Variants in DLG2 observed in about 807,000 individuals in gnomAD.
The protein encoded by DLG2 is disks large homolog 2.
DLG2 carries 45 observed loss-of-function variants against 132.5 expected under a neutral mutation model. The ratio of observed to expected loss-of-function variants is 0.34; its 90% CI spans 0.27 to 0.44. DLG2 has a LOEUF of 0.44. Among genes scored for constraint, DLG2 ranks in the 20% least tolerant of loss-of-function variants. The pLI is 1.00. For missense variants in DLG2, 1,045 were observed against 1,196.9 expected (o/e 0.87, Z 1.87); for synonymous variants, 424 against 419.6 (o/e 1.01, Z -0.13).
chr11:83,496,465 T>C (rs965079337), intron 21 of DLG2, among the ~76,000 whole-genome samples: 1 of 151,998 alleles, frequency 6.6e-6, no homozygotes, highest in African/African-American at 2.4e-5. Context: ...TCCTAGAAAA[T>C]TACCTAACAG....
intron 6 of DLG2, among the ~76,000 whole-genome samples, chr11:85,061,052 T>C (rs2064074462): frequency 6.6e-6 from 1 of 151,738 alleles, no homozygotes; most frequent in Non-Finnish European, 1.5e-5. Context: ...GAGAAATGTC[T>C]ACTCAAATCC....
At chr11:85,583,625 T>C (rs2078770260) in intron 3 of DLG2, among the ~76,000 whole-genome samples, 1 of 152,222 alleles carries the variant, frequency 6.6e-6, no homozygotes, top group African/African-American at 2.4e-5. Flanking sequence ...AAGAAACTCT[T>C]AGGACTGGCC....
intron 6 of DLG2, among the ~76,000 whole-genome samples, chr11:84,871,176 G>A (rs2085403887): frequency 6.6e-6 from 1 of 152,098 alleles, no homozygotes; most frequent in South Asian, 2.1e-4. Flanking sequence ...CAACACCACT[G>A]GTGCGTATGA....
chr11:83,832,367 C>T (rs61177004), intron 17 of DLG2, among the ~76,000 whole-genome samples: 2,638 of 152,236 alleles, frequency 0.017, 84 homozygotes, highest in African/African-American at 0.061. Context: ...TCTCCAAATT[C>T]GTCATAAGTA....
At position 84,402,881 on chromosome 11, in the gene DLG2, C is replaced by CAAAAAAAAAAAAAAAAAAAAAAAAAAAAA. The variant is rs34476380; in HGVS notation, c.519+131688_519+131689insTTTTTTTTTTTTTTTTTTTTTTTTTTTTT. On this transcript the variant is annotated intron_variant, in intron 7 of 27. Coordinates refer to ENST00000376104, the MANE Select transcript of DLG2 (RefSeq NM_001142699.3). ...TGGGCGACAGAGCGAAACTCCGTCT[C>CAAAAAAAAAAAAAAAAAAAAAAAAAAAAA]AAAAAAAAAAAAAAAAAAAATTAAC... 1.4e-3 allele frequency among the ~76,000 whole-genome samples: 103 copies of CAAAAAAAAAAAAAAAAAAAAAAAAAAAAA among 73,848 alleles called. 1 individual carries two copies. Among genetic ancestry groups the CAAAAAAAAAAAAAAAAAAAAAAAAAAAAA allele is most frequent in the South Asian group, 2.6e-3 (6 of 2,268 alleles). The allele number at this position is 73,848 out of a possible 152,430, so 48.4% of individuals were successfully genotyped here. A position where few individuals can be genotyped will look rare whatever the true frequency, so the allele number is the denominator to read the frequency against.
chr11:84,902,129 TTCTTGAATGGAAA>T (rs1475536435), intron 6 of DLG2, among the ~76,000 whole-genome samples: 4 of 152,088 alleles, frequency 2.6e-5, no homozygotes, highest in Non-Finnish European at 4.4e-5. Context: ...TTTTGTAAAA[TTCTTGAATGGAAA>T]TCTGGACGCA....
At chr11:84,987,858 T>C (rs905023355) in intron 6 of DLG2, among the ~76,000 whole-genome samples, 7 of 152,138 alleles carry the variant, frequency 4.6e-5, no homozygotes, top group African/African-American at 1.7e-4. Flanking sequence ...CATTGGCTTA[T>C]GCAAGGATTT....
chr11:84,544,262 C>A (rs1338842802), intron 6 of DLG2, among the ~76,000 whole-genome samples: 2 of 152,152 alleles, frequency 1.3e-5, no homozygotes, highest in Non-Finnish European at 2.9e-5. Context: ...AGACCTCAAG[C>A]TCTCTAAGTC....
At chr11:83,836,059 T>C (rs2056084945) in intron 16 of DLG2, among the ~76,000 whole-genome samples, 1 of 152,124 alleles carries the variant, frequency 6.6e-6, no homozygotes, top group Non-Finnish European at 1.5e-5. Flanking sequence ...GTGATATATA[T>C]TAAATAGTTG....
intron 7 of DLG2, among the ~76,000 whole-genome samples, chr11:84,456,309 C>T (rs2099065166): frequency 6.6e-6 from 1 of 151,270 alleles, no homozygotes; most frequent in South Asian, 2.1e-4. Context: ...GAAGAATGCC[C>T]TAGTTTTCAC....
chr11:83,729,555 T>C (rs1378562488), intron 18 of DLG2, among the ~76,000 whole-genome samples: 1 of 152,156 alleles, frequency 6.6e-6, no homozygotes, highest in East Asian at 1.9e-4. Flanking sequence ...CCTTCCAAAA[T>C]GGACTATAAA....
chr11:84,185,367 CTGTT>C (rs1286104617), intron 8 of DLG2, among the ~76,000 whole-genome samples: 2 of 152,082 alleles, frequency 1.3e-5, no homozygotes, highest in South Asian at 2.1e-4. Flanking sequence ...ATTTGGCTCT[CTGTT>C]TGTCTGTTAT....
chr11:85,484,095 C>A (rs2093365552), intron 3 of DLG2, among the ~76,000 whole-genome samples: 1 of 152,102 alleles, frequency 6.6e-6, no homozygotes, highest in Non-Finnish European at 1.5e-5. Flanking sequence ...TTGAAAAGAA[C>A]TTTGAAGAGA....
intron 6 of DLG2, among the ~76,000 whole-genome samples, chr11:84,557,506 A>G (rs1378084412): frequency 6.6e-6 from 1 of 152,116 alleles, no homozygotes; most frequent in Admixed American, 6.6e-5. Flanking sequence ...TGCTTAGTTT[A>G]TATCTATTTT....
intron 18 of DLG2, among the ~76,000 whole-genome samples, chr11:83,670,488 G>T (rs915881041): frequency 9.9e-5 from 15 of 151,826 alleles, no homozygotes; most frequent in Admixed American, 9.2e-4. Flanking sequence ...TTAATATCAG[G>T]AATTTTATCT....
intron 6 of DLG2, among the ~76,000 whole-genome samples, chr11:84,820,871 C>A (rs1291752405): frequency 6.6e-6 from 1 of 151,782 alleles, no homozygotes; most frequent in Non-Finnish European, 1.5e-5. Flanking sequence ...TCTCTTCTTC[C>A]ATAGTCTGTG....
intron 22 of DLG2, among the ~76,000 whole-genome samples, chr11:83,474,165 C>T (rs2092385091): frequency 1.3e-5 from 2 of 152,064 alleles, no homozygotes; most frequent in South Asian, 4.1e-4. Flanking sequence ...GTTCAGGGGA[C>T]TCTGCCACAT....
intron 17 of DLG2, among the ~76,000 whole-genome samples, chr11:83,789,341 T>C (rs1205150495): frequency 2.1e-5 from 2 of 96,336 alleles, no homozygotes; most frequent in Non-Finnish European, 3.7e-5. Context: ...GTTTAATGCA[T>C]AAAAATCACA....
chr11:83,658,387 A>G (rs2073313047), intron 18 of DLG2, among the ~76,000 whole-genome samples: 1 of 152,254 alleles, frequency 6.6e-6, no homozygotes, highest in Non-Finnish European at 1.5e-5. Context: ...TGATCAGTCC[A>G]AACCATAATT....
Sources: allele counts gnomAD v4.1 joint callset (sites outside exome capture counted in the v4.1 genomes callset), GRCh38; gene constraint gnomAD v4.1.1; transcripts MANE v1.5; gene names NCBI Gene and HGNC (gene_info 2026-07-23, HGNC 2026-07-21).